Variants in DDAH1 observed in about 807,000 individuals in gnomAD.
The protein encoded by DDAH1 is dimethylarginine dimethylaminohydrolase 1.
Under a neutral mutation model 28.8 loss-of-function variants are expected in DDAH1, and 19 were observed. The observed-to-expected ratio is 0.66, with a 90% confidence interval of 0.46 to 0.97. The LOEUF is 0.97. DDAH1 is among the 50% of genes least tolerant of loss of function. The probability of loss-of-function intolerance (pLI) is 0.00; values close to 1 mark genes in which losing one functional copy is unlikely to be tolerated. For synonymous variants in DDAH1, 153 were observed against 154.4 expected (o/e 0.99, Z 0.07); for missense variants, 326 against 375.9 (o/e 0.87, Z 1.10).
At chr1:85,371,257 G>A (rs903269554) in intron 1 of DDAH1, among the ~76,000 whole-genome samples, 1 of 152,220 alleles carries the variant, frequency 6.6e-6, no homozygotes, top group Non-Finnish European at 1.5e-5. Flanking sequence ...AACAGGTAGT[G>A]AAGTCATCAA....
rs185185034 is a variant in DDAH1 at position 85,329,380 on chromosome 1, A to G, written c.598-4497T>C. 7.6e-4 allele frequency among the ~76,000 whole-genome samples: 115 copies of G among 152,200 alleles called. 1 individual carries two copies. The highest frequency in any genetic ancestry group is 2.1e-3 in the South Asian group (10 of 4,822). ...CTCTCCCCTACTTGGTTCCTATTTG[A>G]ATTGTTCTTCAGTTACTGGCATGTA... On this transcript the variant is annotated intron_variant, in intron 4 of 5. Transcript: ENST00000284031.
chr1:85,380,106 A>G (rs191545826), intron 1 of DDAH1, among the ~76,000 whole-genome samples: 36 of 152,226 alleles, frequency 2.4e-4, no homozygotes, highest in Admixed American at 2.2e-3. Flanking sequence ...TTCTTTCTCA[A>G]TCTTCTCCTT....
At chr1:85,531,424 T>A (rs1276117747) in intron 1 of DDAH1, among the ~76,000 whole-genome samples, 1 of 152,244 alleles carries the variant, frequency 6.6e-6, no homozygotes, top group Non-Finnish European at 1.5e-5. Context: ...TGTGCATATT[T>A]CACACTGCTA....
chr1:85,559,081 T>A (rs117997181), intron 1 of DDAH1, among the ~76,000 whole-genome samples: 1 of 152,320 alleles, frequency 6.6e-6, no homozygotes, highest in East Asian at 1.9e-4. Flanking sequence ...TTCATACCCC[T>A]GACTCAGTAA....
intron 1 of DDAH1, among the ~76,000 whole-genome samples, chr1:85,543,092 T>A (rs555792002): frequency 2.6e-5 from 4 of 152,268 alleles, no homozygotes; most frequent in African/African-American, 9.6e-5. Context: ...TTATATGATA[T>A]TAACATGCAG....
At chr1:85,392,467 TCATAA>T (rs1232105554) in intron 1 of DDAH1, among the ~76,000 whole-genome samples, 1 of 152,166 alleles carries the variant, frequency 6.6e-6, no homozygotes, top group African/African-American at 2.4e-5. Flanking sequence ...TCAATTCAAC[TCATAA>T]CATAAGTGCT....
rs555194617 is a variant in DDAH1 at position 85,391,604 on chromosome 1, A to C, written c.304-32757T>G. ...AGAGAAGCCCCAAAATGGGTGAAAG[A>C]TGCAGAATGGTATTACCTGACAAGC... is the stretch of plus-strand genomic sequence containing the variant. On this transcript the variant is annotated intron_variant, in intron 1 of 5. Transcript: ENST00000284031. 7.8e-4 allele frequency among the ~76,000 whole-genome samples: 119 copies of C among 152,338 alleles called. 1 individual carries two copies. In the Middle Eastern group the frequency reaches 0.01, roughly 13 times the overall value.
chr1:85,418,221 A>G (rs1021494018), intron 1 of DDAH1, among the ~76,000 whole-genome samples: 1 of 152,198 alleles, frequency 6.6e-6, no homozygotes, highest in Non-Finnish European at 1.5e-5. Flanking sequence ...CAGCAAGTGG[A>G]CCAATCAAAA....
At chr1:85,514,372 C>T (rs909852496) in intron 1 of DDAH1, among the ~76,000 whole-genome samples, 10 of 151,870 alleles carry the variant, frequency 6.6e-5, no homozygotes, top group Admixed American at 1.3e-4. Flanking sequence ...CATCACACAC[C>T]GGGGCCTGTC....
At chr1:85,457,641 C>G (rs760266355) in intron 1 of DDAH1, among the ~76,000 whole-genome samples, 3 of 152,158 alleles carry the variant, frequency 2.0e-5, no homozygotes, top group Non-Finnish European at 4.4e-5. Flanking sequence ...TAATGCCACA[C>G]AAAAACTGGA....
intron 4 of DDAH1, among the ~76,000 whole-genome samples, chr1:85,328,213 A>AGG (rs1491567455): frequency 6.6e-6 from 1 of 152,212 alleles, no homozygotes; most frequent in Non-Finnish European, 1.5e-5. Context: ...GTAAGACAAC[A>AGG]GGGGGTTGGA....
chr1:85,378,682 T>A (rs774556894), intron 1 of DDAH1, among the ~76,000 whole-genome samples: 18 of 152,220 alleles, frequency 1.2e-4, no homozygotes, highest in Admixed American at 3.3e-4. Flanking sequence ...GTGCTGGGAT[T>A]ATAGGGATGA....
intron 1 of DDAH1, among the ~76,000 whole-genome samples, chr1:85,530,969 T>A (rs1658070914): frequency 8.1e-6 from 1 of 123,062 alleles, no homozygotes; most frequent in Non-Finnish European, 1.6e-5. Flanking sequence ...CCAGCCTGGG[T>A]GATAGAGTGA....
chr1:85,446,386 C>T (rs2100661823), intron 1 of DDAH1, among the ~76,000 whole-genome samples: 1 of 152,226 alleles, frequency 6.6e-6, no homozygotes, highest in East Asian at 1.9e-4. Flanking sequence ...GGAAAACCAC[C>T]CCCGTGATTC....
chr1:85,539,390 G>A (rs1183779183), intron 1 of DDAH1, among the ~76,000 whole-genome samples: 2 of 152,156 alleles, frequency 1.3e-5, no homozygotes, highest in African/African-American at 4.8e-5. Flanking sequence ...CAGGTGATCC[G>A]CCTTTCTCGG....
chr1:85,360,936 T>C (rs1250999988), intron 1 of DDAH1, among the ~76,000 whole-genome samples: 1 of 152,230 alleles, frequency 6.6e-6, no homozygotes, highest in East Asian at 1.9e-4. Flanking sequence ...ATCACATCTA[T>C]ACAAACAGTC....
chr1:85,542,057 A>G (rs756417368), intron 1 of DDAH1, among the ~76,000 whole-genome samples: 7 of 152,204 alleles, frequency 4.6e-5, no homozygotes, highest in Non-Finnish European at 8.8e-5. Context: ...GTGGATATTA[A>G]TATGTAAACT....
At chr1:85,490,794 TATGAG>T (rs1656367329) in intron 2 of DDAH1, among the ~76,000 whole-genome samples, 2 of 152,220 alleles carry the variant, frequency 1.3e-5, no homozygotes, top group Admixed American at 1.3e-4. Flanking sequence ...GTCTGTAGTC[TATGAG>T]ATAACACAAG....
chr1:85,364,893 G>T (rs1405069736), intron 1 of DDAH1, among the ~76,000 whole-genome samples: 1 of 152,110 alleles, frequency 6.6e-6, no homozygotes, highest in Non-Finnish European at 1.5e-5. Context: ...AAAAGGGATC[G>T]AACAGACATT....
Sources: gnomAD v4.1 joint callset for allele counts (sites outside exome capture counted in the v4.1 genomes callset) on GRCh38, gnomAD v4.1.1 for gene constraint, MANE v1.5 for transcripts, NCBI Gene and HGNC (gene_info 2026-07-23, HGNC 2026-07-21) for gene names.